The following VPS54 variants were observed in gnomAD, a reference collection of about 807,000 sequenced individuals.
The protein encoded by VPS54 is vacuolar protein sorting-associated protein 54.
VPS54 carries 45 observed loss-of-function variants against 121.5 expected under a neutral mutation model. The observed-to-expected ratio is 0.37, with a 90% CI of 0.29 to 0.47. The LOEUF (loss-of-function observed/expected upper bound fraction) is 0.47. VPS54 is among the 20% of genes least tolerant of loss of function. The pLI is 0.99. For missense variants in VPS54, 1,090 were observed against 1,131.4 expected, an observed-to-expected ratio of 0.96 and a Z score of 0.52; for synonymous variants, 371 against 385.8, an observed-to-expected ratio of 0.96 and a Z score of 0.45.
At chr2:63,920,767 C>T in intron 13 of VPS54, 140 bp from the exon 14 acceptor site, 1 of 448,782 alleles carries the variant, frequency 2.2e-6, no homozygotes, top group Non-Finnish European at 3.4e-6. Context: ...AGAAATTGAG[C>T]ATGAAATGCT....
chr2:63,976,013 A>T (rs1290968672), intron 3 of VPS54, among the ~76,000 whole-genome samples: 1 of 152,198 alleles, frequency 6.6e-6, no homozygotes. Flanking sequence ...TACAGGCGTG[A>T]GCCGACACGC....
intron 5 of VPS54, 61 bp downstream of exon 5, chr2:63,968,896 G>T: frequency 7.5e-5 from 98 of 1,314,420 alleles, no homozygotes; most frequent in Middle Eastern, 1.9e-4. Flanking sequence ...AAATCTGCTT[G>T]TAAGGCAAAA....
rs137941040 is a variant in VPS54 at position 63,898,729 on chromosome 2, T to C, written c.2733+745A>G. ...ATACAGCAACTAGACTTTAATATTA[T>C]ACCATTTATTCTACAAACCAGGCAC... On this transcript the variant is annotated intron_variant, in intron 21 of 22. Coordinates refer to ENST00000272322, the MANE Select transcript of VPS54 (RefSeq NM_016516.3). Among the ~76,000 whole-genome samples, 1,042 of 152,066 alleles carry C rather than the reference T, an allele frequency of 6.9e-3. 9 individuals are homozygous for C. The highest frequency in any genetic ancestry group is 0.012 in the Non-Finnish European group (806 of 67,966).
intron 12 of VPS54, 97 bp from the exon 13 acceptor site, chr2:63,921,432 T>C: frequency 2.9e-6 from 4 of 1,379,058 alleles, no homozygotes; most frequent in South Asian, 1.5e-5. Context: ...AGCTGTAAAA[T>C]TCACATTTGA....
intron 18 of VPS54, among the ~76,000 whole-genome samples, 200 bp downstream of exon 18, chr2:63,913,023 A>AG (rs1371858621): frequency 6.6e-6 from 1 of 152,184 alleles, no homozygotes; most frequent in African/African-American, 2.4e-5. Flanking sequence ...TTATACTTGG[A>AG]GGGGAAATGC....
At chr2:63,977,544 G>C (rs1676599421) in intron 3 of VPS54, among the ~76,000 whole-genome samples, 1 of 152,144 alleles carries the variant, frequency 6.6e-6, no homozygotes, top group African/African-American at 2.4e-5. Flanking sequence ...TACTATCTTT[G>C]ATTTGTAGCA....
intron 20 of VPS54, among the ~76,000 whole-genome samples, chr2:63,901,513 A>G (rs1672678284): frequency 6.6e-6 from 1 of 152,256 alleles, no homozygotes. Flanking sequence ...CAGAAGAAAC[A>G]GGAGGATCAA....
Position 64,019,040 on chromosome 2 carries a change from C to T in VPS54, c.-123G>A, listed in dbSNP as rs1425497666. On this transcript the variant is annotated 5_prime_UTR_variant, in exon 1 of 23. Transcript: ENST00000272322. ...GCTGCTGCTCCACGGCCGCCGCCGC[C>T]CGGCGCCCGGCCGGGCCCGAGCCCG... is the stretch of plus-strand genomic sequence containing the variant. The T allele has an allele frequency of 6.6e-6, 1 of 150,946 alleles. No homozygotes were observed. Among genetic ancestry groups the T allele is most frequent in the Non-Finnish European group, 1.5e-5 (1 of 67,508 alleles). The allele number at this position is 150,946 out of a possible 1,614,324, so 9.4% of individuals were successfully genotyped here.
chr2:63,945,294 A>G (rs867725513), intron 9 of VPS54, among the ~76,000 whole-genome samples: 1 of 152,348 alleles, frequency 6.6e-6, no homozygotes, highest in African/African-American at 2.4e-5. Context: ...ACAGAAACTG[A>G]AAACCAAATA....
intron 12 of VPS54, among the ~76,000 whole-genome samples, chr2:63,923,630 A>G (rs1422659580): frequency 6.6e-6 from 1 of 152,226 alleles, no homozygotes; most frequent in Non-Finnish European, 1.5e-5. Context: ...AAAAAGGAAG[A>G]AAATTTTGAT....
intron 10 of VPS54, among the ~76,000 whole-genome samples, chr2:63,943,248 T>C (rs1204187898): frequency 6.6e-6 from 1 of 152,206 alleles, no homozygotes; most frequent in African/African-American, 2.4e-5. Flanking sequence ...TACAAATTCA[T>C]TCCCTAAAGA....
intron 16 of VPS54, among the ~76,000 whole-genome samples, chr2:63,916,169 A>G (rs1013598221): frequency 1.3e-5 from 2 of 152,182 alleles, no homozygotes; most frequent in African/African-American, 4.8e-5. Context: ...ATAATCCCCA[A>G]TATCTTTATT....
intron 12 of VPS54, among the ~76,000 whole-genome samples, chr2:63,931,506 A>C (rs1396154363): frequency 1.3e-5 from 2 of 152,232 alleles, no homozygotes; most frequent in Admixed American, 6.5e-5. Flanking sequence ...AAATCAACTC[A>C]AGATGGATCA....
In VPS54 at chr2:63,897,593, G is replaced by A. The variant is rs1221784272; in HGVS notation, c.2734-3C>T. On this transcript the variant is annotated splice_region_variant and splice_polypyrimidine_tract_variant and intron_variant, in intron 21 of 22. Transcript: ENST00000272322. ...GCATTAATTCTTAAAAATAACATCT[G>A]AAAAAGAAATAAAACTAAGTTTCTT... The A allele has an allele frequency of 1.4e-6, 2 of 1,478,990 alleles. No individual in the cohort carries two copies. Among genetic ancestry groups the A allele is most frequent in the East Asian group, 2.3e-5 (1 of 43,616 alleles). The allele number at this position is 1,478,990 out of a possible 1,614,324, so 91.6% of individuals were successfully genotyped here. A position where few individuals can be genotyped will look rare whatever the true frequency, so the allele number is the denominator to read the frequency against.
At chr2:63,895,191 C>T (rs750890629) in intron 22 of VPS54, among the ~76,000 whole-genome samples, 1 of 152,156 alleles carries the variant, frequency 6.6e-6, no homozygotes, top group African/African-American at 2.4e-5. Context: ...TGCAGTGGCT[C>T]ATACCTATAA....
At chr2:63,942,932 A>G (rs1173657415) in intron 10 of VPS54, among the ~76,000 whole-genome samples, 1 of 152,220 alleles carries the variant, frequency 6.6e-6, no homozygotes, top group African/African-American at 2.4e-5. Context: ...TATGAGAAGT[A>G]ATATGGCATG....
intron 1 of VPS54, among the ~76,000 whole-genome samples, chr2:64,014,093 A>G (rs1321134408): frequency 6.6e-6 from 1 of 152,160 alleles, no homozygotes; most frequent in Admixed American, 6.5e-5. Context: ...TTTAAAAGAA[A>G]TCTAGAAGGA....
At position 63,961,998 on chromosome 2, in the gene VPS54, T is replaced by C. The variant is rs192068682; in HGVS notation, c.1010+60A>G. On this transcript the variant is annotated intron_variant, in intron 7 of 22. Transcript: ENST00000272322. ...TATTCACACTTTTAACATTACATGC[T>C]CAATTTTATCCTTTAAAAATTTCTA... 2.1e-6 allele frequency: 3 copies of C among 1,451,590 alleles called. No individual in the cohort carries two copies. The Admixed American group carries it at 7.1e-5, about 35-fold the overall frequency. The allele number at this position is 1,451,590 out of a possible 1,614,324, so 89.9% of individuals were successfully genotyped here. A position where few individuals can be genotyped will look rare whatever the true frequency, so the allele number is the denominator to read the frequency against.
rs182404648 is a variant in VPS54, at chr2:63,966,469, G to A, written c.493-503C>T. 1.5e-4 allele frequency among the ~76,000 whole-genome samples: 23 copies of A among 152,072 alleles called. 1 individual carries two copies. Among genetic ancestry groups the A allele is most frequent in the East Asian group, 1.2e-3 (6 of 5,170 alleles). On this transcript the variant is annotated intron_variant, in intron 5 of 22. Transcript: ENST00000272322. Reference sequence around the variant, plus strand: ...AGACTACTCTTCCCTTACATATCACGACCAGCTAAGCAATAAGGCCTACCC... The same window carrying A: ...AGACTACTCTTCCCTTACATATCACAACCAGCTAAGCAATAAGGCCTACCC...
Sources: gnomAD v4.1 joint callset for allele counts (sites outside exome capture counted in the v4.1 genomes callset) on GRCh38, gnomAD v4.1.1 for gene constraint, MANE v1.5 for transcripts, NCBI Gene and HGNC (gene_info 2026-07-23, HGNC 2026-07-21) for gene names.